The following ZSCAN5C variants were observed in gnomAD, a reference collection of about 807,000 sequenced individuals.
ZSCAN5C encodes the protein zinc finger and SCAN domain containing 5C.
ZSCAN5C carries 11 observed loss-of-function variants against 17.3 expected under a neutral mutation model. That is an observed-to-expected ratio of 0.64 (90% CI 0.40 to 1.06). The LOEUF (loss-of-function observed/expected upper bound fraction) is 1.06, where lower values mean the gene tolerates loss of function less well. ZSCAN5C is among the 50% of genes least tolerant of loss of function. The probability of loss-of-function intolerance (pLI) is 0.00; values close to 1 mark genes in which losing one functional copy is unlikely to be tolerated. For synonymous variants in ZSCAN5C, 229 were observed against 208.4 expected, an observed-to-expected ratio of 1.10 and a Z score of -0.85; for missense variants, 698 against 538.9, an observed-to-expected ratio of 1.30 and a Z score of -2.92.
Position 56,206,317 on chromosome 19 carries a change from T to G in ZSCAN5C, c.384+20T>G, listed in dbSNP as rs145005962. 1 of 1,477,290 alleles carries G rather than the reference T, an allele frequency of 6.8e-7. No individual in the cohort carries two copies. The allele number at this position is 1,477,290 out of a possible 1,614,324, so 91.5% of individuals were successfully genotyped here. A position where few individuals can be genotyped will look rare whatever the true frequency, so the allele number is the denominator to read the frequency against. ...AAATGGGTGAGTGGGACCCTCGTGA[T>G]TGGTGCAGGGAAGGGGAGCTGGGAT... On this transcript the variant is annotated intron_variant, in intron 2 of 4. Transcript: ENST00000534327.
intron 2 of ZSCAN5C, among the ~76,000 whole-genome samples, 200 bp downstream of exon 2, chr19:56,206,497 G>T (rs2032923216): frequency 2.0e-5 from 3 of 151,942 alleles, no homozygotes; most frequent in Admixed American, 2.0e-4. Context: ...ACGCTGCTAA[G>T]CATTCTCCAA....
At position 56,208,856 on chromosome 19, in the gene ZSCAN5C, CTCTT is replaced by C. The variant is rs753843099; in HGVS notation, c.1150_1153del (p.Phe384SerfsTer13). 8.4e-5 allele frequency: 132 copies of C among 1,568,658 alleles called. No individual in the cohort carries two copies. Among genetic ancestry groups the C allele is most frequent in the Middle Eastern group, 6.7e-4 (4 of 6,004 alleles). On this transcript the variant is annotated frameshift_variant, in exon 5 of 5. Transcript: ENST00000534327. LOFTEE classifies it low-confidence loss of function (END_TRUNC). ...CACGAGATCACACACAGGCGAGAGA[CTCTT>C]TCAGTGTAATCTCTGCGGGAAGCGC...
intron 3 of ZSCAN5C, among the ~76,000 whole-genome samples, chr19:56,207,574 T>G (rs1006307610): frequency 2.0e-5 from 3 of 151,782 alleles, no homozygotes; most frequent in African/African-American, 7.3e-5. Flanking sequence ...CTCAAAGACA[T>G]TTAATGTAAT....
Position 56,206,073 on chromosome 19 carries a change from A to G in ZSCAN5C, c.160A>G (p.Lys54Glu), listed in dbSNP as rs576973762. The G allele has an allele frequency of 8.9e-5, 143 of 1,611,034 alleles. No individual in the cohort carries two copies. The East Asian group carries it at 1.9e-3, about 21-fold the overall frequency. ...GAACTTCAGGATGTTCAGCTGCCCG[A>G]AGGAGTCGGACCCCATCCAGGCTCT... Residue 54 changes from lysine to glutamate, a missense_variant, in exon 2 of 5, where the codon AAG (lysine) becomes GAG (glutamate). This residue lies in a region of ZSCAN5C where 100 missense variants were observed against 74.6 expected (regional missense o/e 1.34). Transcript: ENST00000534327.
At chr19:56,209,290 C>T (rs1287158900), downstream of ZSCAN5C, 6 of 599,370 alleles carry the variant, frequency 1.0e-5, no homozygotes, top group East Asian at 2.8e-5. Context: ...AGATGAAGGG[C>T]GCCTGGCACG....
intron 1 of ZSCAN5C, among the ~76,000 whole-genome samples, 170 bp downstream of exon 1, chr19:56,202,492 C>T (rs1426113152): frequency 6.6e-6 from 1 of 151,908 alleles, no homozygotes; most frequent in Non-Finnish European, 1.5e-5. Flanking sequence ...CTTGTGAAGG[C>T]AGTGGGTCTG....
At position 56,206,291 on chromosome 19, in the gene ZSCAN5C, G is replaced by T. The variant is rs1411480278; in HGVS notation, c.378G>T (p.Lys126Asn). ...TGCTACGAAATAACAGAAGACCCAA[G>T]AAATGGGTGAGTGGGACCCTCGTGA... The change falls in exon 2 of 5, where the codon AAG becomes AAT. Residue 126 changes from lysine (K) to asparagine (N), a missense_variant. Coordinates refer to ENST00000534327, the Ensembl canonical transcript of ZSCAN5C. 14 of 1,519,094 alleles carry T rather than the reference G, an allele frequency of 9.2e-6. 1 individual carries two copies. The South Asian group carries it at 1.8e-4, about 20-fold the overall frequency. The allele number at this position is 1,519,094 out of a possible 1,614,324, so 94.1% of individuals were successfully genotyped here.
chr19:56,208,150 T>TA lies in ZSCAN5C; in HGVS notation c.706dup (p.Thr236AsnfsTer35), dbSNP rs777969944. 1.2e-5 allele frequency: 9 copies of TA among 779,796 alleles called. No homozygotes were observed. 48.3% of individuals were successfully genotyped at this position (779,796 alleles called of 1,614,324 possible). A position where few individuals can be genotyped will look rare whatever the true frequency, so the allele number is the denominator to read the frequency against. On this transcript the variant is annotated frameshift_variant, in exon 4 of 5. Transcript: ENST00000534327. LOFTEE classifies it low-confidence loss of function (END_TRUNC). ...AAGACAGGGAGGAGAACCCAGGACTTACATCCCCAGAGCCTCAGCTTCCAA... is the reference window on the plus strand; with the variant it reads ...AAGACAGGGAGGAGAACCCAGGACTTAACATCCCCAGAGCCTCAGCTTCCAA...
At chr19:56,202,936 C>T (rs1164294468) in intron 1 of ZSCAN5C, among the ~76,000 whole-genome samples, 1 of 152,016 alleles carries the variant, frequency 6.6e-6, no homozygotes, top group East Asian at 1.9e-4. Flanking sequence ...CATCAACCTA[C>T]TAGGCCAATG....
At chr19:56,209,260 G>A, downstream of ZSCAN5C, 1 of 625,368 alleles carries the variant, frequency 1.6e-6, no homozygotes, top group Non-Finnish European at 2.8e-6. Context: ...TTTCACCGAT[G>A]TTGTCAGATG....
At chr19:56,206,753 G>C (rs1301498860) in intron 2 of ZSCAN5C, among the ~76,000 whole-genome samples, 1 of 150,386 alleles carries the variant, frequency 6.6e-6, no homozygotes, top group African/African-American at 2.4e-5. Context: ...AAAGTGGCTG[G>C]TATCAGAGAT....
exon 5 of ZSCAN5C, chr19:56,208,772 C>T: frequency 6.3e-7 from 1 of 1,597,010 alleles, no homozygotes; most frequent in Non-Finnish European, 8.6e-7. Context: ...GGAACTGCTG[C>T]CCTTTGCATG....
At chr19:56,202,744 T>C (rs2032884687) in intron 1 of ZSCAN5C, among the ~76,000 whole-genome samples, 2 of 151,912 alleles carry the variant, frequency 1.3e-5, no homozygotes, top group African/African-American at 2.4e-5. Flanking sequence ...TTTGTACAGA[T>C]GGGGTCTCAG....
At chr19:56,208,737 G>C (rs758229904) in exon 5 of ZSCAN5C, 3 of 1,610,940 alleles carry the variant, frequency 1.9e-6, no homozygotes, top group Non-Finnish European at 2.5e-6. Flanking sequence ...GGCCCAGTCA[G>C]TCACCCCAGT....
intron 1 of ZSCAN5C, among the ~76,000 whole-genome samples, chr19:56,205,062 G>A (rs985701969): frequency 2.0e-5 from 3 of 148,346 alleles, no homozygotes; most frequent in Non-Finnish European, 1.5e-5. Flanking sequence ...ATTAGTGATT[G>A]CCAGGGGCTG....
At chr19:56,208,766 C>G (rs774710001) in exon 5 of ZSCAN5C, 11 of 1,601,766 alleles carry the variant, frequency 6.9e-6, no homozygotes, top group Non-Finnish European at 9.4e-6. Context: ...AGTCAAGGAA[C>G]TGCTGCCCTT....
exon 2 of ZSCAN5C, chr19:56,206,044 A>T (rs1459725618): frequency 1.9e-6 from 3 of 1,613,486 alleles, no homozygotes; most frequent in Non-Finnish European, 2.5e-6. Flanking sequence ...GAGACTTGTC[A>T]CGTGAACTTC....
exon 5 of ZSCAN5C, chr19:56,209,154 C>A (rs2032962209): frequency 8.1e-7 from 1 of 1,238,742 alleles, no homozygotes; most frequent in African/African-American, 1.5e-5. Context: ...CGGCCGGCGA[C>A]CTTAAGACGC....
Position 56,205,891 on chromosome 19 carries a change from G to A in ZSCAN5C, c.-23G>A, listed in dbSNP as rs532227577. The A allele has an allele frequency of 4.6e-5, 45 of 976,548 alleles. No homozygotes were observed. In the East Asian group the frequency reaches 8.7e-4, roughly 19 times the overall value. 60.5% of individuals were successfully genotyped at this position (976,548 alleles called of 1,614,324 possible). The stretch of plus-strand genomic sequence containing the variant: ...TTCTGGAAGAGCTTTCCCAGAGACA[G>A]ATTGAAATATTCCCCAGTAGACATG... On this transcript the variant is annotated 5_prime_UTR_variant, in exon 2 of 5. Transcript: ENST00000534327.
Sources: gnomAD v4.1 joint callset for allele counts (sites outside exome capture counted in the v4.1 genomes callset) on GRCh38, gnomAD v4.1.1 for gene constraint, gnomAD v4.1.1 regional missense constraint, MANE v1.5 for transcripts, NCBI Gene and HGNC (gene_info 2026-07-23, HGNC 2026-07-21) for gene names.